Variants in TAFA1 observed in about 807,000 individuals in gnomAD.
TAFA1 encodes TAFA chemokine like family member 1.
TAFA1 carries 4 observed loss-of-function variants against 18.5 expected under a neutral mutation model. That is an observed-to-expected ratio of 0.22 (90% CI 0.11 to 0.49). The LOEUF (loss-of-function observed/expected upper bound fraction) is 0.49. Among genes scored for constraint, TAFA1 ranks in the 20% least tolerant of loss-of-function variants. TAFA1 has a pLI of 0.98. For synonymous variants in TAFA1, 56 were observed against 55.2 expected (o/e 1.01, Z -0.06); for missense variants, 147 against 169.0 (o/e 0.87, Z 0.72).
intron 2 of TAFA1, among the ~76,000 whole-genome samples, chr3:68,091,618 G>A (rs891915344): frequency 1.3e-5 from 2 of 151,976 alleles, no homozygotes; most frequent in Non-Finnish European, 2.9e-5. Context: ...GCAGATCAAT[G>A]AATTATATAC....
chr3:68,286,012 A>G (rs1428171355), intron 2 of TAFA1, among the ~76,000 whole-genome samples: 1 of 152,066 alleles, frequency 6.6e-6, no homozygotes, highest in East Asian at 1.9e-4. Context: ...AGAGATTGAG[A>G]CCATCCTGGC....
intron 2 of TAFA1, among the ~76,000 whole-genome samples, chr3:68,362,431 A>G (rs75978884): frequency 1.3e-5 from 2 of 152,134 alleles, no homozygotes; most frequent in Non-Finnish European, 2.9e-5. Flanking sequence ...GGTATCTTAG[A>G]TTCAGGAAAC....
intron 2 of TAFA1, among the ~76,000 whole-genome samples, chr3:68,204,929 CT>C (rs1397010320): frequency 6.6e-6 from 1 of 151,684 alleles, no homozygotes; most frequent in African/African-American, 2.4e-5. Flanking sequence ...CTTTTTTTCC[CT>C]TTTACATCAA....
At chr3:68,451,488 C>T (rs1304452160) in intron 3 of TAFA1, among the ~76,000 whole-genome samples, 3 of 152,128 alleles carry the variant, frequency 2.0e-5, no homozygotes, top group African/African-American at 4.8e-5. Flanking sequence ...AGAGATGGTG[C>T]TGAAGACAGT....
Position 68,007,764 on chromosome 3 carries a change from C to G in TAFA1, c.118+1020C>G, listed in dbSNP as rs539784592. Among the ~76,000 whole-genome samples the G allele has an allele frequency of 3.3e-5, 5 of 152,298 alleles. No individual in the cohort carries two copies. The South Asian group carries it at 1.0e-3, about 32-fold the overall frequency. ...TGGCCTCCTCCCCCCATCCGTCGAG[C>G]TTCCTCCTGCTGCGTAGTCCAGCGT... On this transcript the variant is annotated intron_variant, in intron 2 of 4. Coordinates refer to ENST00000478136, the MANE Select transcript of TAFA1 (RefSeq NM_213609.4).
chr3:68,003,726 G>A (rs1704312766), upstream of TAFA1, among the ~76,000 whole-genome samples: 1 of 152,258 alleles, frequency 6.6e-6, no homozygotes, highest in African/African-American at 2.4e-5. Context: ...TTAAAAAAGA[G>A]CTGTGAGCAT....
intron 2 of TAFA1, among the ~76,000 whole-genome samples, chr3:68,288,373 G>C (rs1328048993): frequency 1.0e-5 from 1 of 96,382 alleles, no homozygotes; most frequent in Admixed American, 1.1e-4. Flanking sequence ...CAAGAAGTCA[G>C]TGAAAGCGAA....
intron 2 of TAFA1, among the ~76,000 whole-genome samples, chr3:68,287,270 T>C (rs563205340): frequency 6.6e-6 from 1 of 152,252 alleles, no homozygotes; most frequent in African/African-American, 2.4e-5. Flanking sequence ...TGACTCCCAT[T>C]ATCGCCCTAT....
chr3:68,392,368 T>C (rs1481963103), intron 2 of TAFA1, among the ~76,000 whole-genome samples: 3 of 152,042 alleles, frequency 2.0e-5, no homozygotes, highest in Non-Finnish European at 2.9e-5. Context: ...AAGCAAGTCC[T>C]TAGAGACCTA....
chr3:68,541,543 TTA>T (rs1385042386), intron 4 of TAFA1, among the ~76,000 whole-genome samples: 4 of 152,158 alleles, frequency 2.6e-5, no homozygotes, highest in Non-Finnish European at 4.4e-5. Context: ...ACTTTAATTA[TTA>T]TGAGTCACAT....
At chr3:67,996,052 T>C in the TAFA1 span, among the ~76,000 whole-genome samples, 1 of 152,312 alleles carries the variant, frequency 6.6e-6, no homozygotes. Flanking sequence ...AAACAGGAGC[T>C]TATAGCACAT....
intron 2 of TAFA1, among the ~76,000 whole-genome samples, chr3:68,022,810 T>TATATATATATATTATATATA: frequency 1.0e-5 from 1 of 95,928 alleles, no homozygotes; most frequent in Non-Finnish European, 1.9e-5. Context: ...GTATAAGATT[T>TATATATATATATTATATATA]ATATATATAT....
At chr3:68,361,357 AG>A (rs1178668321) in intron 2 of TAFA1, among the ~76,000 whole-genome samples, 1 of 151,980 alleles carries the variant, frequency 6.6e-6, no homozygotes, top group Non-Finnish European at 1.5e-5. Flanking sequence ...GTGAGTGAGT[AG>A]GGTTACAGAA....
At chr3:68,143,187 C>G (rs994362932) in intron 2 of TAFA1, among the ~76,000 whole-genome samples, 1 of 152,090 alleles carries the variant, frequency 6.6e-6, no homozygotes, top group African/African-American at 2.4e-5. Context: ...ATTTTAAATA[C>G]CTACTATGTG....
At chr3:68,284,267 T>G (rs1292054369) in intron 2 of TAFA1, among the ~76,000 whole-genome samples, 1 of 152,196 alleles carries the variant, frequency 6.6e-6, no homozygotes, top group African/African-American at 2.4e-5. Context: ...TTTTCTTGCA[T>G]GGATTTGGGA....
intron 2 of TAFA1, among the ~76,000 whole-genome samples, chr3:68,360,189 A>T (rs2069443573): frequency 6.6e-6 from 1 of 151,968 alleles, no homozygotes; most frequent in South Asian, 2.1e-4. Flanking sequence ...TTGGCAGAGA[A>T]TATTTACTCC....
chr3:68,046,048 T>G (rs929011025), intron 2 of TAFA1, among the ~76,000 whole-genome samples: 1 of 152,172 alleles, frequency 6.6e-6, no homozygotes, highest in Non-Finnish European at 1.5e-5. Flanking sequence ...CAGCTCCTCT[T>G]AGATTTACAG....
intron 3 of TAFA1, among the ~76,000 whole-genome samples, chr3:68,439,441 A>ATATATATATATATATATG (rs1368084224): frequency 7.8e-6 from 1 of 128,708 alleles, no homozygotes; most frequent in Non-Finnish European, 1.7e-5. Context: ...ATATATATAT[A>ATATATATATATATATATG]TATGAGTTTA....
intron 2 of TAFA1, among the ~76,000 whole-genome samples, chr3:68,316,420 T>C (rs897982535): frequency 3.9e-5 from 6 of 152,204 alleles, no homozygotes; most frequent in Non-Finnish European, 8.8e-5. Flanking sequence ...TACAGTTTCA[T>C]GTAGCTTTAG....
Sources: allele counts gnomAD v4.1 joint callset (sites outside exome capture counted in the v4.1 genomes callset), GRCh38; gene constraint gnomAD v4.1.1; transcripts MANE v1.5; gene names NCBI Gene and HGNC (gene_info 2026-07-23, HGNC 2026-07-21).